The following PABPC4 variants were observed in gnomAD, a reference collection of about 807,000 sequenced individuals.
PABPC4 encodes polyadenylate-binding protein 4.
PABPC4 carries 15 observed loss-of-function variants against 74.5 expected under a neutral mutation model. The ratio of observed to expected loss-of-function variants is 0.20; its 90% confidence interval spans 0.13 to 0.31. The LOEUF (loss-of-function observed/expected upper bound fraction) is 0.31. Among genes scored for constraint, PABPC4 ranks in the 10% least tolerant of loss-of-function variants. PABPC4 has a pLI of 1.00. For missense variants in PABPC4, 610 were observed against 853.5 expected (o/e 0.71, Z 3.55); for synonymous variants, 345 against 303.0 (o/e 1.14, Z -1.44).
chr1:39,562,608 T>C, intron 12 of PABPC4, 192 bp from the exon 13 acceptor site: 1 of 487,164 alleles, frequency 2.1e-6, no homozygotes, highest in East Asian at 3.1e-5. Flanking sequence ...GGTATGGACA[T>C]AAACACAACC....
In PABPC4 at chr1:39,575,802, G is replaced by C. The variant is rs985400659; in HGVS notation, c.150C>G (p.Arg50=). 9 of 1,606,372 alleles carry C rather than the reference G, an allele frequency of 5.6e-6. No individual in the cohort carries two copies. The highest frequency in any genetic ancestry group is 1.7e-4 in the Middle Eastern group (1 of 6,034). ...IRVCRDMITR[R]SLGYAYVNFQ... ...AGTTGACGTAGGCATAGCCCAGGGA[G>C]CGGCGGGTGATCATATCGCGGCAGA... The change falls in exon 1 of 16, where the codon CGC becomes CGG. Residue 50 remains arginine, a synonymous_variant. Coordinates refer to ENST00000372858, the MANE Select transcript of PABPC4 (RefSeq NM_001135653.2).
chr1:39,563,232 C>T (rs1027347759), intron 12 of PABPC4: 2 of 202,436 alleles, frequency 9.9e-6, no homozygotes, highest in Admixed American at 1.1e-4. Context: ...GCTGAACATC[C>T]GATCTGTAAG....
chr1:39,565,073 T>A, intron 8 of PABPC4, 33 bp downstream of exon 8: 1 of 1,608,834 alleles, frequency 6.2e-7, no homozygotes. Flanking sequence ...AGCCGGCAGG[T>A]TCCCAAGAGC....
chr1:39,563,415 C>T, intron 12 of PABPC4, 199 bp downstream of exon 12: 2 of 601,038 alleles, frequency 3.3e-6, no homozygotes, highest in Non-Finnish European at 5.5e-6. Flanking sequence ...TCTGAGTGAA[C>T]TGGCATCAGG....
chr1:39,565,004 G>C (rs998276811), intron 8 of PABPC4, 102 bp downstream of exon 8: 1 of 1,276,354 alleles, frequency 7.8e-7, no homozygotes, highest in Non-Finnish European at 1.1e-6. Flanking sequence ...TCCTTATTGT[G>C]ACATTCTAGA....
chr1:39,573,498 C>T (rs939564131), intron 1 of PABPC4, among the ~76,000 whole-genome samples: 4 of 152,134 alleles, frequency 2.6e-5, no homozygotes, highest in African/African-American at 7.2e-5. Flanking sequence ...CAACCAAGTC[C>T]GTGTGTACAC....
At chr1:39,572,662 C>T in intron 1 of PABPC4, 76 bp from the exon 2 acceptor site, 2 of 1,121,128 alleles carry the variant, frequency 1.8e-6, no homozygotes, top group South Asian at 1.5e-5. Context: ...GAACAGATTA[C>T]TCCAGGACTT....
chr1:39,572,805 A>G (rs143201577), intron 1 of PABPC4: 94 of 474,776 alleles, frequency 2.0e-4, no homozygotes, highest in African/African-American at 1.7e-3. Context: ...AAGTCTAAAC[A>G]CCCTTCTGGG....
Position 39,572,589 on chromosome 1 carries a change from G to GT in PABPC4, c.194-4dup, listed in dbSNP as rs781510590. The stretch of plus-strand genomic sequence containing the variant: ...CATGGTGTCCAAAGCCCGCTCAGCT[G>GT]TAAGAGAGAAACACATTTCAATAAG... On this transcript the variant is annotated splice_region_variant and splice_polypyrimidine_tract_variant and intron_variant, in intron 1 of 15. Coordinates refer to ENST00000372858, the MANE Select transcript of PABPC4 (RefSeq NM_001135653.2). 19 of 1,610,528 alleles carry GT rather than the reference G, an allele frequency of 1.2e-5. No individual in the cohort carries two copies. In the African/African-American group the frequency reaches 2.0e-4, roughly 17 times the overall value.
chr1:39,561,552 C>T (rs970831977), intron 15 of PABPC4, 133 bp downstream of exon 15: 16 of 654,118 alleles, frequency 2.4e-5, no homozygotes, highest in South Asian at 3.8e-5. Flanking sequence ...CAACACACTC[C>T]GTGTAACTAA....
intron 1 of PABPC4, among the ~76,000 whole-genome samples, chr1:39,575,552 G>A (rs966700582): frequency 2.0e-5 from 3 of 152,126 alleles, no homozygotes; most frequent in Non-Finnish European, 2.9e-5. Flanking sequence ...GTAGCCCAAG[G>A]TCACCCAGTT....
chr1:39,575,136 G>C (rs1205860904), intron 1 of PABPC4, among the ~76,000 whole-genome samples: 1 of 152,208 alleles, frequency 6.6e-6, no homozygotes. Flanking sequence ...CATTTGTCCA[G>C]AGTAAAGCAC....
In PABPC4 at chr1:39,564,750, A is replaced by G. The variant is rs1645810956; in HGVS notation, c.1269T>C (p.Tyr423=). Residue 423 remains tyrosine (Y), a synonymous_variant, in exon 9 of 16, where the codon TAT becomes TAC. Coordinates refer to ENST00000372858, the MANE Select transcript of PABPC4 (RefSeq NM_001135653.2). ...TCATCTGTGCTAACTGGTTAGGTGT[A>G]TAATATGGAGGCCTTCCCTGAGCCT... is the stretch of plus-strand genomic sequence containing the variant. ...VPQAQGRPPY[Y]TPNQLAQMRP... is the part of the protein sequence containing the mutation. 5 of 1,614,044 alleles carry G rather than the reference A, an allele frequency of 3.1e-6. No homozygotes were observed. The highest frequency in any genetic ancestry group is 4.2e-6 in the Non-Finnish European group (5 of 1,179,916).
At chr1:39,573,775 C>A (rs1159960636) in intron 1 of PABPC4, among the ~76,000 whole-genome samples, 1 of 152,130 alleles carries the variant, frequency 6.6e-6, no homozygotes, top group East Asian at 1.9e-4. Flanking sequence ...GCTGAGATCG[C>A]GCCATTGCAC....
Position 39,567,786 on chromosome 1 carries a change from C to A in PABPC4, c.937G>T (p.Glu313Ter), listed in dbSNP as rs1330640673. The change falls in exon 7 of 16, where the codon GAA becomes TAA. Residue 313 changes from glutamate to a stop codon, truncating the protein, a stop_gained. Transcript: ENST00000372858. LOFTEE classifies it high-confidence loss of function. ...DTIDDEKLRK[E>*]FSPFGSITSA... ...GTAATTGATCCAAAAGGAGAAAATT[C>A]TTTCCTTAATTTCTCATCATCAATA... is the stretch of plus-strand genomic sequence containing the variant. 1 of 1,597,700 alleles carries A rather than the reference C, an allele frequency of 6.3e-7. No homozygotes were observed. Among genetic ancestry groups the A allele is most frequent in the Admixed American group, 1.7e-5 (1 of 59,962 alleles).
chr1:39,576,249 G>T lies in PABPC4; in HGVS notation c.-298C>A. The T allele has an allele frequency of 3.1e-6, 1 of 322,028 alleles. No homozygotes were observed. The highest frequency in any genetic ancestry group is 1.4e-4 in the South Asian group (1 of 7,330). 19.9% of individuals were successfully genotyped at this position (322,028 alleles called of 1,614,324 possible). ...CTCCAAATTTCAAAAAATCAAAGTA[G>T]GAAAAAAATTAAACGGGGAATCCCC... On this transcript the variant is annotated 5_prime_UTR_variant, in exon 1 of 16. Transcript: ENST00000372858.
chr1:39,561,939 A>G, intron 14 of PABPC4, 134 bp downstream of exon 14: 2 of 1,171,254 alleles, frequency 1.7e-6, no homozygotes, highest in Non-Finnish European at 2.5e-6. Context: ...TGCAGCCTCC[A>G]GTCACAGTCA....
chr1:39,574,679 G>A (rs754057006), intron 1 of PABPC4, among the ~76,000 whole-genome samples: 9 of 152,210 alleles, frequency 5.9e-5, no homozygotes, highest in African/African-American at 9.7e-5. Flanking sequence ...CCGCAACCTG[G>A]GCAGGTAGTA....
At position 39,563,487 on chromosome 1, in the gene PABPC4, T is replaced by C. The variant is rs545392218; in HGVS notation, c.1668+127A>G. ...GCCCCTGAAGGGCAGGGACAGTGAA[T>C]CAGAACATAGCGTCATAACACAGAG... On this transcript the variant is annotated intron_variant, in intron 12 of 15. Coordinates refer to ENST00000372858, the MANE Select transcript of PABPC4 (RefSeq NM_001135653.2). 2.5e-4 allele frequency: 304 copies of C among 1,231,650 alleles called. 5 individuals carry two copies. The South Asian group carries it at 4.5e-3, about 18-fold the overall frequency. The allele number at this position is 1,231,650 out of a possible 1,614,324, so 76.3% of individuals were successfully genotyped here.
Sources: gnomAD v4.1 joint callset for allele counts (sites outside exome capture counted in the v4.1 genomes callset) on GRCh38, gnomAD v4.1.1 for gene constraint, MANE v1.5 for transcripts, NCBI Gene and HGNC (gene_info 2026-07-23, HGNC 2026-07-21) for gene names.